The following DHRS7B variants were observed in gnomAD, a reference collection of about 807,000 sequenced individuals.
DHRS7B encodes the protein dehydrogenase/reductase 7B, also known as peroxisomal reductase activating PPAR-gamma.
A neutral mutation model predicts 26.4 loss-of-function variants in DHRS7B; 24 were observed. The ratio of observed to expected loss-of-function variants is 0.91; its 90% CI spans 0.66 to 1.28. The LOEUF (loss-of-function observed/expected upper bound fraction) is 1.28. Ranked by LOEUF, DHRS7B falls within the 50% of genes most tolerant of loss-of-function variation. The pLI is 0.00. For synonymous variants in DHRS7B, 142 were observed against 166.4 expected (o/e 0.85, Z 1.13); for missense variants, 368 against 419.4 (o/e 0.88, Z 1.07).
rs1676957018 is a variant in DHRS7B at position 21,191,149 on chromosome 17, C to T, written c.974C>T (p.Ser325Phe). The change falls in exon 7 of 7, where the codon TCC becomes TTC. Residue 325 changes from serine (S) to phenylalanine (F), a missense_variant. Transcript: ENST00000395511. ...RARKERKSKN[S>F] Reference sequence around the variant, plus strand: ...AGAAAAGAGCGGAAATCCAAGAACTCCTAGTACTCTGACCAGCCAGGGCCA... The same window carrying T: ...AGAAAAGAGCGGAAATCCAAGAACTTCTAGTACTCTGACCAGCCAGGGCCA... 2 of 1,613,204 alleles carry T rather than the reference C, an allele frequency of 1.2e-6. No homozygotes were observed. The highest frequency in any genetic ancestry group is 1.7e-6 in the Non-Finnish European group (2 of 1,180,034).
intron 2 of DHRS7B, among the ~76,000 whole-genome samples, chr17:21,175,401 A>G (rs1020263860): frequency 3.3e-5 from 5 of 152,236 alleles, no homozygotes; most frequent in African/African-American, 1.2e-4. Flanking sequence ...CTGACCCTGC[A>G]GTATTGGCCC....
rs115456700 is a variant in DHRS7B, at chr17:21,190,013, C to T, written c.773-935C>T. ...CAAGACCTAACCTCCACAAAAAATACGAAAATTAGCCAACCATGGTGGCAC... is the reference window on the plus strand; with the variant it reads ...CAAGACCTAACCTCCACAAAAAATATGAAAATTAGCCAACCATGGTGGCAC... On this transcript the variant is annotated intron_variant, in intron 6 of 6. Coordinates refer to ENST00000395511, the MANE Select transcript of DHRS7B (RefSeq NM_015510.5). Among the ~76,000 whole-genome samples, 1,255 of 152,194 alleles carry T rather than the reference C, an allele frequency of 8.2e-3. 25 individuals carry two copies. The highest frequency in any genetic ancestry group is 0.028 in the African/African-American group (1,174 of 41,532).
chr17:21,153,566 C>A (rs1442347756), intron 1 of DHRS7B, among the ~76,000 whole-genome samples: 1 of 152,184 alleles, frequency 6.6e-6, no homozygotes, highest in Non-Finnish European at 1.5e-5. Flanking sequence ...AGCAGGATGT[C>A]TTAGTCCTGT....
intron 5 of DHRS7B, among the ~76,000 whole-genome samples, chr17:21,188,072 G>A (rs1416141985): frequency 6.6e-6 from 1 of 151,942 alleles, no homozygotes; most frequent in African/African-American, 2.4e-5. Context: ...GGATGGTCTC[G>A]ATCTCCTGAC....
At chr17:21,132,797 A>C (rs1294585620) in intron 1 of DHRS7B, among the ~76,000 whole-genome samples, 2 of 152,150 alleles carry the variant, frequency 1.3e-5, no homozygotes, top group Non-Finnish European at 2.9e-5. Context: ...TTTAGGCTAA[A>C]CTTCTTATAA....
In DHRS7B at chr17:21,190,932, G is replaced by C. The variant is rs374530443; in HGVS notation, c.773-16G>C. The C allele has an allele frequency of 1.9e-6, 3 of 1,612,762 alleles. No individual in the cohort carries two copies. The highest frequency in any genetic ancestry group is 2.5e-6 in the Non-Finnish European group (3 of 1,179,760). The stretch of plus-strand genomic sequence containing the variant: ...GCTTCCAAGTTCATGTGTTTCTTTT[G>C]TTTTATTTATTTTAGTTATGGACAC... On this transcript the variant is annotated splice_polypyrimidine_tract_variant and intron_variant, in intron 6 of 6. Coordinates refer to ENST00000395511, the MANE Select transcript of DHRS7B (RefSeq NM_015510.5).
chr17:21,150,136 A>T (rs1411208880), intron 1 of DHRS7B, among the ~76,000 whole-genome samples: 1 of 147,628 alleles, frequency 6.8e-6, no homozygotes, highest in East Asian at 2.0e-4. Context: ...AAAAAAACTA[A>T]GGCATAGAGT....
intron 6 of DHRS7B, 87 bp from the exon 7 acceptor site, chr17:21,190,861 C>T (rs1227272964): frequency 1.6e-5 from 22 of 1,400,208 alleles, no homozygotes; most frequent in African/African-American, 4.3e-5. Context: ...AGGCAGCAGG[C>T]TGACCTGACG....
At chr17:21,149,191 A>G (rs1188404246) in intron 1 of DHRS7B, among the ~76,000 whole-genome samples, 1 of 151,982 alleles carries the variant, frequency 6.6e-6, no homozygotes, top group Non-Finnish European at 1.5e-5. Flanking sequence ...CCAGGGAGGT[A>G]TGGAACGATA....
Position 21,190,979 on chromosome 17 carries a change from C to T in DHRS7B, c.804C>T (p.Ser268=), listed in dbSNP as rs750105193. Residue 268 remains serine (S), a synonymous_variant, in exon 7 of 7, where the codon AGC becomes AGT. Coordinates refer to ENST00000395511, the MANE Select transcript of DHRS7B (RefSeq NM_015510.5). ...ACACCACCACAGCCCAGGGCCGAAGCCCTGTGGAGGTGGCCCAGGATGTTC... is the reference window on the plus strand; with the variant it reads ...ACACCACCACAGCCCAGGGCCGAAGTCCTGTGGAGGTGGCCCAGGATGTTC... ...VMDTTTAQGR[S]PVEVAQDVLA... 6.2e-7 allele frequency: 1 copy of T among 1,614,262 alleles called. No homozygotes were observed. The highest frequency in any genetic ancestry group is 1.3e-5 in the African/African-American group (1 of 75,076).
chr17:21,168,967 A>G (rs996845574), intron 1 of DHRS7B: 1 of 957,466 alleles, frequency 1.0e-6, no homozygotes, highest in Non-Finnish European at 1.2e-6. Flanking sequence ...TGAAAGTGCA[A>G]TTTGTTGGGA....
chr17:21,140,450 G>A (rs1320714544), intron 1 of DHRS7B, among the ~76,000 whole-genome samples: 1 of 119,196 alleles, frequency 8.4e-6, no homozygotes, highest in East Asian at 2.8e-4. Flanking sequence ...AAAAAGTTTG[G>A]GTTATAGAAA....
At chr17:21,157,148 T>G (rs988535581) in intron 1 of DHRS7B, among the ~76,000 whole-genome samples, 1 of 152,068 alleles carries the variant, frequency 6.6e-6, no homozygotes, top group African/African-American at 2.4e-5. Context: ...TAAGAAAGAA[T>G]TATACCAATT....
intron 1 of DHRS7B, among the ~76,000 whole-genome samples, chr17:21,155,071 A>T (rs1255847306): frequency 6.6e-6 from 1 of 152,244 alleles, no homozygotes; most frequent in Non-Finnish European, 1.5e-5. Flanking sequence ...AGACAAAAAG[A>T]GGAGCAAAGA....
chr17:21,170,731 A>C (rs1974221321), intron 1 of DHRS7B, among the ~76,000 whole-genome samples: 1 of 152,236 alleles, frequency 6.6e-6, no homozygotes, highest in Non-Finnish European at 1.5e-5. Flanking sequence ...AGATCAGGAC[A>C]GCCACCCTGA....
At chr17:21,140,538 A>ACACACACACCC (rs972677956) in intron 1 of DHRS7B, among the ~76,000 whole-genome samples, 5 of 134,754 alleles carry the variant, frequency 3.7e-5, no homozygotes, top group Non-Finnish European at 6.4e-5. Flanking sequence ...ACACACACAC[A>ACACACACACCC]CCCTGACACC....
At chr17:21,138,097 T>TACACACACACACACACACAC in intron 1 of DHRS7B, among the ~76,000 whole-genome samples, 1 of 87,606 alleles carries the variant, frequency 1.1e-5, no homozygotes, top group Non-Finnish European at 2.0e-5. Context: ...TATATATATA[T>TACACACACACACACACACAC]ATATACACAC....
intron 1 of DHRS7B, among the ~76,000 whole-genome samples, chr17:21,145,625 A>G (rs1396907310): frequency 1.3e-5 from 2 of 152,230 alleles, no homozygotes; most frequent in African/African-American, 2.4e-5. Context: ...ACCATTTTTC[A>G]ACTTTATGAT....
intron 1 of DHRS7B, among the ~76,000 whole-genome samples, chr17:21,157,804 G>C (rs1243360681): frequency 6.6e-6 from 1 of 152,020 alleles, no homozygotes; most frequent in African/African-American, 2.4e-5. Context: ...AATGACCCAG[G>C]TGTGGTGGCA....
Sources: gnomAD v4.1 joint callset for allele counts (sites outside exome capture counted in the v4.1 genomes callset) on GRCh38, gnomAD v4.1.1 for gene constraint, MANE v1.5 for transcripts, NCBI Gene and HGNC (gene_info 2026-07-23, HGNC 2026-07-21) for gene names.